Variants in COL23A1 observed in about 807,000 individuals in gnomAD.
COL23A1 encodes collagen type XXIII alpha 1 chain.
A neutral mutation model predicts 99.3 loss-of-function variants in COL23A1; 97 were observed. The ratio of observed to expected loss-of-function variants is 0.98; its 90% CI spans 0.83 to 1.16. The LOEUF (loss-of-function observed/expected upper bound fraction) is 1.16. Among genes scored for constraint, COL23A1 ranks in the 50% most tolerant of loss-of-function variants. COL23A1 has a pLI of 0.00. For missense variants in COL23A1, 762 were observed against 757.4 expected (o/e 1.01, Z -0.07); for synonymous variants, 320 against 308.2 (o/e 1.04, Z -0.40).
At chr5:178,552,899 A>AGATG (rs1357116642) in intron 2 of COL23A1, among the ~76,000 whole-genome samples, 14 of 151,876 alleles carry the variant, frequency 9.2e-5, no homozygotes, top group Non-Finnish European at 2.9e-5. Flanking sequence ...TTTTTAGTAG[A>AGATG]GGATTTCACC....
Position 178,465,702 on chromosome 5 carries a change from C to T in COL23A1, c.361+94980G>A, listed in dbSNP as rs562295235. On this transcript the variant is annotated intron_variant, in intron 2 of 28. Coordinates refer to ENST00000390654, the MANE Select transcript of COL23A1 (RefSeq NM_173465.4). Reference sequence around the variant, plus strand: ...GGGAACGCAGCAGTGAACAGAAGAGCAAAGTCCCCGCGGGGTGGCGGTCAC... The same window carrying T: ...GGGAACGCAGCAGTGAACAGAAGAGTAAAGTCCCCGCGGGGTGGCGGTCAC... Among the ~76,000 whole-genome samples, 328 of 152,358 alleles carry T rather than the reference C, an allele frequency of 2.2e-3. 2 individuals are homozygous for T. Among genetic ancestry groups the T allele is most frequent in the African/African-American group, 7.6e-3 (318 of 41,584 alleles).
intron 2 of COL23A1, among the ~76,000 whole-genome samples, chr5:178,354,952 G>A (rs1411186775): frequency 1.3e-5 from 2 of 151,986 alleles, no homozygotes; most frequent in Non-Finnish European, 2.9e-5. Flanking sequence ...CAGCTACTCG[G>A]GAGGCTGAAG....
intron 2 of COL23A1, among the ~76,000 whole-genome samples, chr5:178,467,761 T>C (rs1012232445): frequency 1.3e-5 from 2 of 152,214 alleles, no homozygotes; most frequent in Non-Finnish European, 2.9e-5. Flanking sequence ...AAAGTAAACA[T>C]TATACACTAT....
intron 2 of COL23A1, among the ~76,000 whole-genome samples, chr5:178,464,083 T>C (rs113195123): frequency 1.3e-5 from 2 of 152,348 alleles, no homozygotes; most frequent in African/African-American, 4.8e-5. Context: ...ATGTACCATC[T>C]TAACTACGTT....
chr5:178,321,862 C>T (rs979961780), intron 2 of COL23A1, among the ~76,000 whole-genome samples: 7 of 145,970 alleles, frequency 4.8e-5, no homozygotes, highest in East Asian at 2.1e-4. Context: ...TCACCCAGGC[C>T]GGAGTACAGT....
chr5:178,336,932 C>T (rs1453279510), intron 2 of COL23A1, among the ~76,000 whole-genome samples: 1 of 152,194 alleles, frequency 6.6e-6, no homozygotes, highest in Non-Finnish European at 1.5e-5. Context: ...GCTGCTTTTC[C>T]AAGGCCTCTG....
intron 2 of COL23A1, among the ~76,000 whole-genome samples, chr5:178,511,346 A>G (rs1759193780): frequency 6.6e-6 from 1 of 152,210 alleles, no homozygotes; most frequent in Non-Finnish European, 1.5e-5. Context: ...AGTTCTCAGC[A>G]GCTACAGGTC....
chr5:178,262,090 A>T, intron 10 of COL23A1, 127 bp downstream of exon 10: 2 of 1,022,164 alleles, frequency 2.0e-6, no homozygotes, highest in Non-Finnish European at 2.9e-6. Flanking sequence ...ACGTACATGC[A>T]GAGGCGCGCG....
At chr5:178,504,255 G>A (rs1043551701) in intron 2 of COL23A1, among the ~76,000 whole-genome samples, 1 of 152,132 alleles carries the variant, frequency 6.6e-6, no homozygotes, top group Non-Finnish European at 1.5e-5. Flanking sequence ...AAGTGTAAGA[G>A]AAACTGCTAA....
At chr5:178,402,627 C>CT (rs1184185833) in intron 2 of COL23A1, among the ~76,000 whole-genome samples, 1 of 152,064 alleles carries the variant, frequency 6.6e-6, no homozygotes, top group Non-Finnish European at 1.5e-5. Flanking sequence ...TGGCGCATGC[C>CT]TGTAGTCGCA....
At chr5:178,485,186 G>C (rs1010498591) in intron 2 of COL23A1, among the ~76,000 whole-genome samples, 5 of 152,162 alleles carry the variant, frequency 3.3e-5, no homozygotes, top group Non-Finnish European at 4.4e-5. Context: ...AGAAATGTCA[G>C]GATAGGCAGG....
In COL23A1 at chr5:178,415,741, G is replaced by C. The variant is rs961988450; in HGVS notation, c.362-108822C>G. ...GCTGCACAAGGGGATGCAGAAGAGT[G>C]AGCACGAGGTTCTTGCCCACAGAGA... On this transcript the variant is annotated intron_variant, in intron 2 of 28. Coordinates refer to ENST00000390654, the MANE Select transcript of COL23A1 (RefSeq NM_173465.4). This position sits in a 1 kb window ranked among gnomAD's most constrained non-coding sequence, Gnocchi z 4.6. 6.6e-6 allele frequency among the ~76,000 whole-genome samples: 1 copy of C among 152,210 alleles called. No individual in the cohort carries two copies. Among genetic ancestry groups the C allele is most frequent in the Non-Finnish European group, 1.5e-5 (1 of 68,030 alleles).
In COL23A1 at chr5:178,322,213, T is replaced by C. The variant is rs866049856; in HGVS notation, c.362-15294A>G. On this transcript the variant is annotated intron_variant, in intron 2 of 28. Transcript: ENST00000390654. ...TTCACTGTGTTGGCCAGGCTGTTCT[T>C]GAACTCCTGACCTCGTGATCCGCCT... Among the ~76,000 whole-genome samples, 4 of 151,244 alleles carry C rather than the reference T, an allele frequency of 2.6e-5. No individual in the cohort carries two copies. The Middle Eastern group carries it at 0.01, about 391-fold the overall frequency.
intron 2 of COL23A1, among the ~76,000 whole-genome samples, chr5:178,325,329 C>A (rs926482715): frequency 5.6e-5 from 8 of 143,716 alleles, no homozygotes; most frequent in African/African-American, 2.2e-4. Context: ...TTTGGGACAG[C>A]GCTCCCTGGC....
chr5:178,448,811 C>G (rs923297964), intron 2 of COL23A1, among the ~76,000 whole-genome samples: 1 of 152,098 alleles, frequency 6.6e-6, no homozygotes, highest in African/African-American at 2.4e-5. Context: ...TAGCAGCACC[C>G]TCATAAACCT....
chr5:178,450,901 C>G (rs2127865085), intron 2 of COL23A1, among the ~76,000 whole-genome samples: 1 of 152,334 alleles, frequency 6.6e-6, no homozygotes, highest in East Asian at 1.9e-4. Flanking sequence ...GGGCTCCTCC[C>G]CTTACCCTGT....
At chr5:178,260,850 C>G (rs1459045808) in intron 11 of COL23A1, among the ~76,000 whole-genome samples, 2 of 152,118 alleles carry the variant, frequency 1.3e-5, no homozygotes, top group Non-Finnish European at 2.9e-5. Flanking sequence ...GAGGGATGAA[C>G]AGGCGGAGAA....
intron 27 of COL23A1, among the ~76,000 whole-genome samples, chr5:178,239,543 G>C (rs538491527): frequency 1.8e-3 from 264 of 146,330 alleles, no homozygotes; most frequent in African/African-American, 6.2e-3. Flanking sequence ...TGATGTGACA[G>C]TGACTCTGGC....
intron 2 of COL23A1, among the ~76,000 whole-genome samples, chr5:178,542,337 C>T (rs1761337851): frequency 6.6e-6 from 1 of 152,128 alleles, no homozygotes; most frequent in Non-Finnish European, 1.5e-5. Context: ...GGCCCTGTAG[C>T]TGGTTACATT....
Sources: allele counts gnomAD v4.1 joint callset (sites outside exome capture counted in the v4.1 genomes callset), GRCh38; gene constraint gnomAD v4.1.1; non-coding constraint Gnocchi (gnomAD v3.1); transcripts MANE v1.5; gene names NCBI Gene and HGNC (gene_info 2026-07-23, HGNC 2026-07-21).